ELP4: variants seen among roughly 807,000 people sequenced by gnomAD.
ELP4 encodes the protein elongator complex protein 4.
In ELP4, 51 loss-of-function variants were observed where a neutral mutation model predicts 48.9. The observed-to-expected ratio is 1.04, with a 90% CI of 0.83 to 1.32. ELP4 has a LOEUF of 1.32. Among genes scored for constraint, ELP4 ranks in the 40% most tolerant of loss-of-function variants. The pLI is 0.00. For synonymous variants in ELP4, 210 were observed against 189.2 expected, an observed-to-expected ratio of 1.11 and a Z score of -0.90; for missense variants, 519 against 514.6, an observed-to-expected ratio of 1.01 and a Z score of -0.08.
At chr11:31,783,353 C>T (rs58913735) in intron 9 of ELP4, 40 bp from the exon 10 acceptor site, 2 of 1,582,370 alleles carry the variant, frequency 1.3e-6, no homozygotes, top group African/African-American at 1.4e-5. Context: ...TTTTTTTCTT[C>T]TTTCTTCTTT....
chr11:31,720,453 C>T (rs1231481859), intron 9 of ELP4, among the ~76,000 whole-genome samples: 1 of 151,868 alleles, frequency 6.6e-6, no homozygotes, highest in Non-Finnish European at 1.5e-5. Context: ...AGTGGTAACC[C>T]GCTGATGCAG....
At chr11:31,646,848 A>G (rs1945209728) in intron 7 of ELP4, 1 of 151,544 alleles carries the variant, frequency 6.6e-6, no homozygotes, top group Non-Finnish European at 1.5e-5. Flanking sequence ...GGCTAAAAGG[A>G]ATACTAGATT....
intron 9 of ELP4, among the ~76,000 whole-genome samples, chr11:31,660,401 C>T (rs1945530279): frequency 6.6e-6 from 1 of 152,156 alleles, no homozygotes; most frequent in Non-Finnish European, 1.5e-5. Flanking sequence ...AGTGCTATAG[C>T]ATGAAGTGGA....
chr11:31,778,847 TTTTG>T (rs954080231), intron 9 of ELP4, among the ~76,000 whole-genome samples: 5 of 152,134 alleles, frequency 3.3e-5, no homozygotes, highest in African/African-American at 7.2e-5. Flanking sequence ...TGTTTTTTGT[TTTTG>T]TTTGTTTGTT....
chr11:31,736,331 T>A (rs1377093871), intron 9 of ELP4, among the ~76,000 whole-genome samples: 2 of 152,114 alleles, frequency 1.3e-5, no homozygotes, highest in Non-Finnish European at 2.9e-5. Flanking sequence ...TAATTCAAGC[T>A]GGATTAAAGA....
Position 31,576,856 on chromosome 11 carries a change from A to G in ELP4, c.382-17914A>G, listed in dbSNP as rs188437534. Reference sequence around the variant, plus strand: ...AGAAAGAAGGAAAGACCAAAAACTGACACCCTAACATCACAATTAAAAGAA... The same window carrying G: ...AGAAAGAAGGAAAGACCAAAAACTGGCACCCTAACATCACAATTAAAAGAA... On this transcript the variant is annotated intron_variant, in intron 3 of 9. Coordinates refer to ENST00000640961, the MANE Select transcript of ELP4 (RefSeq NM_019040.5). 3.9e-4 allele frequency among the ~76,000 whole-genome samples: 59 copies of G among 152,306 alleles called. No individual in the cohort carries two copies. The East Asian group carries it at 0.011, about 28-fold the overall frequency.
chr11:31,675,426 G>A (rs1945902156), intron 9 of ELP4, among the ~76,000 whole-genome samples: 1 of 151,998 alleles, frequency 6.6e-6, no homozygotes, highest in African/African-American at 2.4e-5. Flanking sequence ...CACCACGCCT[G>A]GCTAATTTTG....
At chr11:31,560,727 T>TAAAACAACGTTGTTTTATATATATAC (rs1957010605) in intron 3 of ELP4, among the ~76,000 whole-genome samples, 5 of 150,532 alleles carry the variant, frequency 3.3e-5, no homozygotes, top group African/African-American at 1.2e-4. Context: ...TATATATATA[T>TAAAACAACGTTGTTTTATATATATAC]AAAACAACAT....
intron 3 of ELP4, among the ~76,000 whole-genome samples, chr11:31,578,593 A>G (rs569574594): frequency 6.6e-6 from 1 of 152,214 alleles, no homozygotes; most frequent in African/African-American, 2.4e-5. Context: ...AAACAGAGAT[A>G]TAGATCAATG....
intron 9 of ELP4, among the ~76,000 whole-genome samples, chr11:31,657,285 T>C (rs567104295): frequency 1.3e-5 from 2 of 152,074 alleles, no homozygotes; most frequent in Non-Finnish European, 2.9e-5. Context: ...GGATTGTAAA[T>C]TAACTACCTC....
chr11:31,633,030 A>G (rs1944897243), intron 7 of ELP4: 1 of 152,058 alleles, frequency 6.6e-6, no homozygotes, highest in African/African-American at 2.4e-5. Flanking sequence ...AGGGCCTGAT[A>G]TTTATACTTT....
chr11:31,752,849 A>AG (rs1565141193), intron 9 of ELP4, among the ~76,000 whole-genome samples: 2 of 149,532 alleles, frequency 1.3e-5, no homozygotes, highest in Non-Finnish European at 1.5e-5. Context: ...AAAAAAAAAA[A>AG]AAAGAACTGG....
chr11:31,619,660 A>T (rs878915984), intron 5 of ELP4, among the ~76,000 whole-genome samples: 2 of 132,946 alleles, frequency 1.5e-5, no homozygotes, highest in Non-Finnish European at 3.2e-5. Context: ...TCTGTTTTTT[A>T]TTGTTTTTTT....
chr11:31,585,061 G>A (rs1036312230), intron 3 of ELP4, among the ~76,000 whole-genome samples: 1 of 151,988 alleles, frequency 6.6e-6, no homozygotes, highest in African/African-American at 2.4e-5. Context: ...ATGGATCATA[G>A]GTCTCTCCTA....
At chr11:31,727,004 A>G (rs1947089596) in intron 9 of ELP4, among the ~76,000 whole-genome samples, 1 of 152,152 alleles carries the variant, frequency 6.6e-6, no homozygotes, top group Non-Finnish European at 1.5e-5. Flanking sequence ...AATGAAATAT[A>G]TTTTTATAAT....
chr11:31,728,022 G>A (rs1005457927), intron 9 of ELP4: 12 of 151,932 alleles, frequency 7.9e-5, no homozygotes, highest in African/African-American at 2.9e-4. Flanking sequence ...TTTACATCAA[G>A]CATGAAATAC....
chr11:31,575,334 G>A (rs998219617), intron 3 of ELP4, among the ~76,000 whole-genome samples: 12 of 152,284 alleles, frequency 7.9e-5, no homozygotes, highest in African/African-American at 2.4e-4. Flanking sequence ...TGAAAGTGAC[G>A]GGGAGAATGG....
intron 2 of ELP4, among the ~76,000 whole-genome samples, chr11:31,528,165 T>G (rs1245046525): frequency 6.6e-6 from 1 of 152,122 alleles, no homozygotes; most frequent in Non-Finnish European, 1.5e-5. Flanking sequence ...CTACACATTT[T>G]TTACATCAGG....
At chr11:31,735,723 C>T (rs1300641893) in intron 9 of ELP4, among the ~76,000 whole-genome samples, 1 of 152,110 alleles carries the variant, frequency 6.6e-6, no homozygotes, top group Non-Finnish European at 1.5e-5. Flanking sequence ...CTCCCATTCA[C>T]AATTGCTTCA....
Sources: gnomAD v4.1 joint callset for allele counts (sites outside exome capture counted in the v4.1 genomes callset) on GRCh38, gnomAD v4.1.1 for gene constraint, MANE v1.5 for transcripts, NCBI Gene and HGNC (gene_info 2026-07-23, HGNC 2026-07-21) for gene names.